Variants in FEZ2 observed in about 807,000 individuals in gnomAD.
FEZ2 encodes the protein fasciculation and elongation protein zeta 2.
A neutral mutation model predicts 40.4 loss-of-function variants in FEZ2; 51 were observed. The ratio of observed to expected loss-of-function variants is 1.26; its 90% CI spans 1.01 to 1.59. FEZ2 has a LOEUF of 1.59. Among genes scored for constraint, FEZ2 ranks in the 40% most tolerant of loss-of-function variants. The pLI is 0.00. For missense variants in FEZ2, 640 were observed against 438.3 expected (o/e 1.46, Z -4.11); for synonymous variants, 242 against 172.0 (o/e 1.41, Z -3.18).
chr2:36,554,697 G>A (rs1009695941), intron 7 of FEZ2, among the ~76,000 whole-genome samples: 8 of 152,162 alleles, frequency 5.3e-5, no homozygotes, highest in African/African-American at 1.7e-4. Flanking sequence ...TACTCTCACC[G>A]CATCAAGACT....
chr2:36,565,019 G>A (rs1359484620), intron 5 of FEZ2, among the ~76,000 whole-genome samples: 1 of 152,172 alleles, frequency 6.6e-6, no homozygotes, highest in African/African-American at 2.4e-5. Context: ...AGGTACTGCT[G>A]ACAAGATTTA....
At position 36,555,622 on chromosome 2, in the gene FEZ2, A is replaced by G. The variant is rs567833549; in HGVS notation, c.1045+61T>C. The G allele has an allele frequency of 2.9e-5, 24 of 835,606 alleles. No individual in the cohort carries two copies. The East Asian group carries it at 5.8e-4, about 20-fold the overall frequency. The allele number at this position is 835,606 out of a possible 1,614,324, so 51.8% of individuals were successfully genotyped here. A position where few individuals can be genotyped will look rare whatever the true frequency, so the allele number is the denominator to read the frequency against. On this transcript the variant is annotated intron_variant, in intron 7 of 7. Coordinates refer to ENST00000405912, the MANE Select transcript of FEZ2 (RefSeq NM_005102.3). ...TACTGTCTAATGTATTAGCAAGGCGATGTATTTACTGACTAATCCAAACCT... is the reference window on the plus strand; with the variant it reads ...TACTGTCTAATGTATTAGCAAGGCGGTGTATTTACTGACTAATCCAAACCT...
rs775490423 is a variant in FEZ2 at position 36,581,381 on chromosome 2, A to T, written c.543T>A (p.Asp181Glu). 12 of 1,613,294 alleles carry T rather than the reference A, an allele frequency of 7.4e-6. No individual in the cohort carries two copies. The East Asian group carries it at 2.7e-4, about 36-fold the overall frequency. ...GATCTGACTGTGTAGGGGTTTCATC[A>T]TCTTCTGGGTCCGGTGATTCCTGCA... ...EMMQESPDPE[D>E]DETPTQSDRL... The change falls in exon 4 of 8, where the codon GAT becomes GAA. Residue 181 changes from aspartate (D) to glutamate (E), a missense_variant. Physicochemically the swap from Asp to Glu is conservative, Grantham distance 45. Transcript: ENST00000405912.
chr2:36,587,399 C>T (rs1668931456), intron 2 of FEZ2, among the ~76,000 whole-genome samples: 1 of 152,196 alleles, frequency 6.6e-6, no homozygotes, highest in Non-Finnish European at 1.5e-5. Flanking sequence ...GCATTCCCAT[C>T]ACTCCTTCCA....
chr2:36,569,544 G>C (rs1428710310), intron 5 of FEZ2, among the ~76,000 whole-genome samples: 1 of 152,208 alleles, frequency 6.6e-6, no homozygotes, highest in Non-Finnish European at 1.5e-5. Context: ...AAAAGAGCTA[G>C]AGAACACTAT....
intron 3 of FEZ2, 122 bp from the exon 4 acceptor site, chr2:36,581,553 T>A: frequency 2.5e-6 from 2 of 787,938 alleles, no homozygotes; most frequent in Non-Finnish European, 4.2e-6. Flanking sequence ...TAACCAATGG[T>A]GTTCAGGTGT....
chr2:36,554,360 C>A (rs1667899945), intron 7 of FEZ2: 2 of 469,194 alleles, frequency 4.3e-6, no homozygotes, highest in Non-Finnish European at 8.8e-6. Context: ...GCTAAAATAG[C>A]TAGAGAATGC....
At chr2:36,555,002 A>G (rs1183440808) in intron 7 of FEZ2, among the ~76,000 whole-genome samples, 2 of 152,168 alleles carry the variant, frequency 1.3e-5, no homozygotes, top group African/African-American at 4.8e-5. Context: ...ATTTCATCGT[A>G]AAGTATTAAT....
At chr2:36,554,274 G>A (rs1391572159) in intron 7 of FEZ2, 9 of 471,008 alleles carry the variant, frequency 1.9e-5, no homozygotes, top group African/African-American at 1.8e-4. Context: ...TAGGTTTTCA[G>A]AGTAAAGAAT....
chr2:36,578,533 A>G (rs2075226), intron 5 of FEZ2, 64 bp downstream of exon 5: 591,147 of 1,533,682 alleles, frequency 0.39, 118,112 homozygotes, highest in East Asian at 0.63. Context: ...CACCAGCCCC[A>G]AAGGCTGGGA....
chr2:36,579,148 TG>T (rs1668663220), intron 4 of FEZ2: 1 of 358,414 alleles, frequency 2.8e-6, no homozygotes, highest in African/African-American at 2.1e-5. Context: ...AATCATTGCA[TG>T]AATAATACTT....
Position 36,552,459 on chromosome 2 carries a change from C to T in FEZ2, c.*704G>A, listed in dbSNP as rs1453368168. 3.7e-6 allele frequency: 1 copy of T among 273,832 alleles called. No individual in the cohort carries two copies. Among genetic ancestry groups the T allele is most frequent in the Non-Finnish European group, 6.9e-6 (1 of 143,976 alleles). The allele number at this position is 273,832 out of a possible 1,614,324, so 17.0% of individuals were successfully genotyped here. ...TTTCTCAAGCACCTCAGAGGACACA[C>T]ACTTAAAGTACAATTCTTCACAGAC... On this transcript the variant is annotated 3_prime_UTR_variant, in exon 8 of 8. Transcript: ENST00000405912.
intron 5 of FEZ2, among the ~76,000 whole-genome samples, chr2:36,568,192 G>A (rs1668301677): frequency 6.6e-6 from 1 of 151,968 alleles, no homozygotes; most frequent in African/African-American, 2.4e-5. Context: ...AGGGGAGGAG[G>A]GAGACAGAGT....
At chr2:36,572,929 G>A (rs1317572289) in intron 5 of FEZ2, among the ~76,000 whole-genome samples, 1 of 152,016 alleles carries the variant, frequency 6.6e-6, no homozygotes, top group Non-Finnish European at 1.5e-5. Context: ...CCATCCTTCA[G>A]CAATTCTCTC....
At chr2:36,589,397 C>T (rs905084900) in intron 2 of FEZ2, among the ~76,000 whole-genome samples, 1 of 152,194 alleles carries the variant, frequency 6.6e-6, no homozygotes, top group Non-Finnish European at 1.5e-5. Context: ...GGAATTTAGG[C>T]CATGGCTAAA....
chr2:36,584,308 T>C (rs897186658), intron 2 of FEZ2, among the ~76,000 whole-genome samples: 1 of 152,178 alleles, frequency 6.6e-6, no homozygotes, highest in Admixed American at 6.5e-5. Context: ...AATTTCTCCC[T>C]CTCCTTACCT....
At chr2:36,562,461 A>G (rs1668118844) in intron 5 of FEZ2, among the ~76,000 whole-genome samples, 1 of 152,162 alleles carries the variant, frequency 6.6e-6, no homozygotes, top group African/African-American at 2.4e-5. Context: ...AAATTTTACT[A>G]CCTTACAGGA....
chr2:36,597,726 G>C (rs1669270172), intron 1 of FEZ2, 151 bp downstream of exon 1: 1 of 564,220 alleles, frequency 1.8e-6, no homozygotes, highest in South Asian at 5.1e-5. Context: ...GGCGAGCCGA[G>C]GCCGACGGCC....
chr2:36,582,763 C>G (rs569654847), intron 3 of FEZ2, among the ~76,000 whole-genome samples: 1 of 152,094 alleles, frequency 6.6e-6, no homozygotes, highest in Non-Finnish European at 1.5e-5. Flanking sequence ...ACTCACAGTC[C>G]GAGTAGCCAT....
Sources: allele counts gnomAD v4.1 joint callset (sites outside exome capture counted in the v4.1 genomes callset), GRCh38; gene constraint gnomAD v4.1.1; transcripts MANE v1.5; gene names NCBI Gene and HGNC (gene_info 2026-07-23, HGNC 2026-07-21).